ARAP1: variants seen among roughly 807,000 people sequenced by gnomAD.
ARAP1 encodes the protein ArfGAP with RhoGAP domain, ankyrin repeat and PH domain 1.
Under a neutral mutation model 172.2 loss-of-function variants are expected in ARAP1, and 76 were observed. The ratio of observed to expected loss-of-function variants is 0.44; its 90% confidence interval spans 0.37 to 0.53. ARAP1 has a LOEUF of 0.53. ARAP1 is among the 20% of genes least tolerant of loss of function. ARAP1 has a pLI of 0.00. For missense variants in ARAP1, 1,686 were observed against 1,977.5 expected, an observed-to-expected ratio of 0.85 and a Z score of 2.80; for synonymous variants, 804 against 803.3, an observed-to-expected ratio of 1.00 and a Z score of -0.01.
At chr11:72,748,513 C>G (rs2135597625) in intron 1 of ARAP1, among the ~76,000 whole-genome samples, 1 of 145,912 alleles carries the variant, frequency 6.9e-6, no homozygotes, top group East Asian at 1.9e-4. Flanking sequence ...GAGCAAGACT[C>G]CATCTCAAAA....
Position 72,697,332 on chromosome 11 carries a change from T to G in ARAP1, c.2944A>C (p.Thr982Pro). ...TAGGGGCAGGGCTCACCGCACTGCGTGATGTAGTCCACACAGCGGTACACG... is the reference window on the plus strand; with the variant it reads ...TAGGGGCAGGGCTCACCGCACTGCGGGATGTAGTCCACACAGCGGTACACG... Reference protein sequence around the residue: ...VIVYRCVDYITQCGLTSEGIY... With the variant: ...VIVYRCVDYIPQCGLTSEGIY... Residue 982 changes from threonine to proline, a missense_variant, in exon 21 of 35, where the codon ACG becomes CCG. Transcript: ENST00000393609. 1.3e-6 allele frequency: 2 copies of G among 1,590,214 alleles called. No individual in the cohort carries two copies. The highest frequency in any genetic ancestry group is 1.7e-6 in the Non-Finnish European group (2 of 1,168,644).
intron 4 of ARAP1, among the ~76,000 whole-genome samples, chr11:72,713,846 C>CAAAAA (rs71469440): frequency 1.2e-5 from 1 of 81,482 alleles, no homozygotes; most frequent in Admixed American, 1.2e-4. Flanking sequence ...GACTCCATCT[C>CAAAAA]AAAAAAAAAA....
In ARAP1 at chr11:72,741,193, C is replaced by T. The variant is rs531841816; in HGVS notation, c.-127-8596G>A. Among the ~76,000 whole-genome samples, 77 of 152,166 alleles carry T rather than the reference C, an allele frequency of 5.1e-4. No homozygotes were observed. The highest frequency in any genetic ancestry group is 6.8e-3 in the Middle Eastern group (2 of 294). ...GCATCCACACTGCCCCCATTCAACC[C>T]AGGCCCCTCAGCTTGCCTGGACTTC... On this transcript the variant is annotated intron_variant, in intron 1 of 34. Transcript: ENST00000393609. This position sits in a 1 kb window ranked among gnomAD's most constrained non-coding sequence, Gnocchi z 4.5.
intron 1 of ARAP1, among the ~76,000 whole-genome samples, chr11:72,739,430 G>A (rs752205121): frequency 9.2e-5 from 14 of 152,128 alleles, no homozygotes; most frequent in Non-Finnish European, 1.3e-4. Flanking sequence ...CCCCAGAGCC[G>A]GGGGAATGAA....
chr11:72,697,143 C>T lies in ARAP1; in HGVS notation c.3006G>A (p.Gln1002=), dbSNP rs1184190119. The part of the protein sequence containing the change: ...YRKCGQTSKT[Q]RLLESLRQDA... ...CCTGCCGCAGGCTCTCCAGCAGCCG[C>T]TGTGTCTTCGATGTCTGCCCACACT... Residue 1002 remains glutamine, a synonymous_variant, in exon 22 of 35, where the codon CAG becomes CAA. Coordinates refer to ENST00000393609, the MANE Select transcript of ARAP1 (RefSeq NM_001040118.3). 6.2e-7 allele frequency: 1 copy of T among 1,605,494 alleles called. No homozygotes were observed. Among genetic ancestry groups the T allele is most frequent in the South Asian group, 1.1e-5 (1 of 91,090 alleles).
intron 3 of ARAP1, among the ~76,000 whole-genome samples, chr11:72,719,402 T>C (rs1456407321): frequency 1.3e-5 from 2 of 152,230 alleles, no homozygotes; most frequent in Non-Finnish European, 2.9e-5. Flanking sequence ...CTCAATTAAC[T>C]AGAGACAGGG....
intron 18 of ARAP1, 73 bp downstream of exon 18, chr11:72,698,931 AC>A: frequency 6.9e-7 from 1 of 1,455,466 alleles, no homozygotes; most frequent in Non-Finnish European, 9.6e-7. Context: ...GAGCTGGGAT[AC>A]ATGGGATTGG....
chr11:72,689,298 G>T (rs1855827334), intron 30 of ARAP1, among the ~76,000 whole-genome samples: 1 of 152,194 alleles, frequency 6.6e-6, no homozygotes, highest in Non-Finnish European at 1.5e-5. Context: ...TGGGGGCAAT[G>T]ACCCCCAAGG....
chr11:72,704,191 G>A lies in ARAP1; in HGVS notation c.1953C>T (p.Arg651=). 6.2e-7 allele frequency: 1 copy of A among 1,614,090 alleles called. No homozygotes were observed. Among genetic ancestry groups the A allele is most frequent in the Non-Finnish European group, 8.5e-7 (1 of 1,180,010 alleles). ...EAKYREGKYR[R]YHPLFGNQEE... ...CCTGGTTGCCAAAGAGCGGGTGGTAGCGGCGGTACTTGCCCTCACGGTACT... is the reference window on the plus strand; with the variant it reads ...CCTGGTTGCCAAAGAGCGGGTGGTAACGGCGGTACTTGCCCTCACGGTACT... The change falls in exon 14 of 35, where the codon CGC becomes CGT. Residue 651 remains arginine (R), a synonymous_variant. Coordinates refer to ENST00000393609, the MANE Select transcript of ARAP1 (RefSeq NM_001040118.3).
At chr11:72,698,964 A>G in intron 18 of ARAP1, 41 bp downstream of exon 18, 1 of 1,602,534 alleles carries the variant, frequency 6.2e-7, no homozygotes, top group Non-Finnish European at 8.5e-7. Flanking sequence ...CACCTTCCCC[A>G]GTCAGACACC....
At chr11:72,709,630 A>G (rs1202941069) in intron 11 of ARAP1, among the ~76,000 whole-genome samples, 1 of 152,030 alleles carries the variant, frequency 6.6e-6, no homozygotes, top group East Asian at 1.9e-4. Context: ...ACCCCTGAGC[A>G]GCATGGCGGG....
intron 31 of ARAP1, 65 bp downstream of exon 31, chr11:72,688,390 T>C: frequency 6.9e-7 from 1 of 1,456,968 alleles, no homozygotes; most frequent in Non-Finnish European, 9.5e-7. Flanking sequence ...CAGCTGTGCC[T>C]CCCCCATCAG....
Position 72,726,130 on chromosome 11 carries a change from T to C in ARAP1, c.509+490A>G, listed in dbSNP as rs776081187. ...CCCAGGATTTGCTGACATTTGGCAG[T>C]GGGAGAAGGGGACAGGGTGTGAAAG... On this transcript the variant is annotated intron_variant, in intron 3 of 34. Transcript: ENST00000393609. This position sits in a 1 kb window ranked among gnomAD's most constrained non-coding sequence, Gnocchi z 6.5. Among the ~76,000 whole-genome samples the C allele has an allele frequency of 3.3e-5, 5 of 152,084 alleles. No individual in the cohort carries two copies. Among genetic ancestry groups the C allele is most frequent in the Non-Finnish European group, 5.9e-5 (4 of 68,008 alleles).
intron 1 of ARAP1, among the ~76,000 whole-genome samples, chr11:72,743,618 G>A (rs1858269706): frequency 6.6e-6 from 1 of 152,168 alleles, no homozygotes; most frequent in Non-Finnish European, 1.5e-5. Flanking sequence ...CAGCCTGGAG[G>A]TCTAGGAGTT....
At chr11:72,723,351 T>C (rs1276864699) in intron 3 of ARAP1, among the ~76,000 whole-genome samples, 4 of 151,864 alleles carry the variant, frequency 2.6e-5, no homozygotes, top group Non-Finnish European at 4.4e-5. Context: ...TAGCAGGGGG[T>C]GCAGACTCTG....
rs1339786956 is a variant in ARAP1 at position 72,710,587 on chromosome 11, A to G, written c.1214T>C (p.Val405Ala). Residue 405 changes from valine to alanine, a missense_variant and splice_region_variant, in exon 10 of 35, where the codon GTG (valine) becomes GCG (alanine). Coordinates refer to ENST00000393609, the MANE Select transcript of ARAP1 (RefSeq NM_001040118.3). The surrounding 1 kb of genome is among the most constrained non-coding windows in gnomAD (Gnocchi z 4.3). ...GGCCTGCATCCACTCCTTCCGCTCC[A>G]CTGCAGGAGAAGGGTAGAGGAGTAA... is the stretch of plus-strand genomic sequence containing the variant. Reference protein sequence around the residue: ...RTFAFRAESDVERKEWMQALQ... With the variant: ...RTFAFRAESDAERKEWMQALQ... 11 of 1,604,196 alleles carry G rather than the reference A, an allele frequency of 6.9e-6. No homozygotes were observed. Among genetic ancestry groups the G allele is most frequent in the Non-Finnish European group, 9.3e-6 (11 of 1,178,584 alleles).
At chr11:72,750,014 C>T (rs1254517874) in intron 1 of ARAP1, among the ~76,000 whole-genome samples, 1 of 152,218 alleles carries the variant, frequency 6.6e-6, no homozygotes, top group Non-Finnish European at 1.5e-5. Context: ...GTTTCCCCAT[C>T]TGTGAAAGAA....
At chr11:72,720,517 G>A (rs766765508) in intron 3 of ARAP1, among the ~76,000 whole-genome samples, 2 of 152,106 alleles carry the variant, frequency 1.3e-5, no homozygotes, top group Non-Finnish European at 2.9e-5. Context: ...TCTCCATGCC[G>A]CCAGCAGTTC....
rs753684427 is a variant in ARAP1 at position 72,711,526 on chromosome 11, A to C, written c.1023-27T>G. ...TGGAGAGGGAGAGGGACAACAAGCA[A>C]ATGACCGGGGGTAGGAGGACAGGTT... On this transcript the variant is annotated intron_variant, in intron 7 of 34. Coordinates refer to ENST00000393609, the MANE Select transcript of ARAP1 (RefSeq NM_001040118.3). 8 of 1,593,192 alleles carry C rather than the reference A, an allele frequency of 5.0e-6. No homozygotes were observed. In the African/African-American group the frequency reaches 6.7e-5, roughly 13 times the overall value.
Sources: gnomAD v4.1 joint callset for allele counts (sites outside exome capture counted in the v4.1 genomes callset) on GRCh38, gnomAD v4.1.1 for gene constraint, Gnocchi (gnomAD v3.1) non-coding constraint, MANE v1.5 for transcripts, NCBI Gene and HGNC (gene_info 2026-07-23, HGNC 2026-07-21) for gene names.